TENM3: variants seen among roughly 807,000 people sequenced by gnomAD.
The protein encoded by TENM3 is teneurin-3.
In TENM3, 63 loss-of-function variants were observed where a neutral mutation model predicts 255.1. That is an observed-to-expected ratio of 0.25 (90% CI 0.20 to 0.30). The LOEUF is 0.30. TENM3 is among the 10% of genes least tolerant of loss of function. The probability of loss-of-function intolerance (pLI) is 1.00; values close to 1 mark genes in which losing one functional copy is unlikely to be tolerated. For synonymous variants in TENM3, 1,306 were observed against 1,322.3 expected (o/e 0.99, Z 0.27); for missense variants, 2,929 against 3,461.1 (o/e 0.85, Z 3.86).
the TENM3 span, among the ~76,000 whole-genome samples, chr4:182,118,913 T>C: frequency 6.6e-6 from 1 of 152,190 alleles, no homozygotes; most frequent in Non-Finnish European, 1.5e-5. Flanking sequence ...CTGTAGGTTG[T>C]TGAAAGGCAG....
At chr4:182,066,599 A>AAAATATATATATATATAT in the TENM3 span, among the ~76,000 whole-genome samples, 1 of 137,106 alleles carries the variant, frequency 7.3e-6, no homozygotes, top group African/African-American at 2.9e-5. Flanking sequence ...GTAAAAAAAA[A>AAAATATATATATATATAT]ATATATATAT....
At chr4:181,486,292 G>A in the TENM3 span, among the ~76,000 whole-genome samples, 1 of 152,160 alleles carries the variant, frequency 6.6e-6, no homozygotes, top group Non-Finnish European at 1.5e-5. Flanking sequence ...TCTCAGAGTG[G>A]CCTCCGCTGC....
chr4:182,706,780 G>A (rs1263153836), intron 12 of TENM3, among the ~76,000 whole-genome samples: 1 of 151,970 alleles, frequency 6.6e-6, no homozygotes, highest in Non-Finnish European at 1.5e-5. Flanking sequence ...TGAGCAACAG[G>A]GTGAAACTCC....
chr4:182,480,612 G>T (rs115721625), intron 3 of TENM3, among the ~76,000 whole-genome samples: 2,550 of 152,066 alleles, frequency 0.017, 95 homozygotes, highest in African/African-American at 0.058. Context: ...AAGATGAAAA[G>T]TTAAAATTTG....
At chr4:181,460,736 A>T in the TENM3 span, among the ~76,000 whole-genome samples, 1 of 149,002 alleles carries the variant, frequency 6.7e-6, no homozygotes, top group East Asian at 2.0e-4. Flanking sequence ...AAATTACCAC[A>T]TACTCAGTAA....
upstream of TENM3, chr4:182,144,373 C>G (rs1447556298): frequency 1.3e-5 from 2 of 152,800 alleles, no homozygotes; most frequent in African/African-American, 2.4e-5. Context: ...CCTCGCCTCC[C>G]CGGTCCTCCC....
At chr4:181,506,055 T>C in the TENM3 span, among the ~76,000 whole-genome samples, 2 of 152,192 alleles carry the variant, frequency 1.3e-5, no homozygotes, top group East Asian at 3.9e-4. Flanking sequence ...GTTGATCATA[T>C]GAAGACAAGA....
chr4:181,514,135 A>C, the TENM3 span, among the ~76,000 whole-genome samples: 1 of 152,246 alleles, frequency 6.6e-6, no homozygotes, highest in South Asian at 2.1e-4. Flanking sequence ...AACACTTTTA[A>C]TCCTTCAAAA....
At chr4:182,044,686 T>A in the TENM3 span, among the ~76,000 whole-genome samples, 1 of 151,688 alleles carries the variant, frequency 6.6e-6, no homozygotes, top group Non-Finnish European at 1.5e-5. Context: ...GCCAAGGCTA[T>A]CATTTTTTTG....
At chr4:181,929,096 G>A in the TENM3 span, among the ~76,000 whole-genome samples, 9 of 152,030 alleles carry the variant, frequency 5.9e-5, no homozygotes, top group South Asian at 2.1e-4. Flanking sequence ...AAAGACCGTC[G>A]ACACTATGAA....
chr4:182,029,140 T>C, the TENM3 span, among the ~76,000 whole-genome samples: 3 of 152,114 alleles, frequency 2.0e-5, no homozygotes, highest in African/African-American at 7.2e-5. Flanking sequence ...CTTACAATCA[T>C]GGCAGCTGGT....
intron 3 of TENM3, among the ~76,000 whole-genome samples, chr4:182,418,364 C>T (rs1770541996): frequency 2.0e-5 from 3 of 151,994 alleles, no homozygotes; most frequent in South Asian, 2.1e-4. Context: ...TATTTAACCA[C>T]GGAATTCGTA....
intron 3 of TENM3, among the ~76,000 whole-genome samples, chr4:182,576,256 C>T (rs1744904229): frequency 6.6e-6 from 1 of 152,104 alleles, no homozygotes; most frequent in Non-Finnish European, 1.5e-5. Context: ...TGTGGAAAAA[C>T]ATCTTATATG....
the TENM3 span, among the ~76,000 whole-genome samples, chr4:181,562,867 G>A: frequency 6.6e-6 from 1 of 152,040 alleles, no homozygotes; most frequent in African/African-American, 2.4e-5. Context: ...TATAGGCGGG[G>A]TTTCACCATG....
At chr4:182,304,315 C>A (rs1426135284) in intron 1 of TENM3, among the ~76,000 whole-genome samples, 1 of 151,880 alleles carries the variant, frequency 6.6e-6, no homozygotes, top group Non-Finnish European at 1.5e-5. Context: ...CGGGTTCAAG[C>A]GATTCTCCTC....
At chr4:182,572,907 A>G (rs1214087835) in intron 3 of TENM3, among the ~76,000 whole-genome samples, 1 of 152,116 alleles carries the variant, frequency 6.6e-6, no homozygotes, top group African/African-American at 2.4e-5. Context: ...TGGCAGTGGC[A>G]GTTGGGGAGT....
At chr4:182,088,789 G>T in the TENM3 span, among the ~76,000 whole-genome samples, 1 of 151,436 alleles carries the variant, frequency 6.6e-6, no homozygotes, top group Non-Finnish European at 1.5e-5. Context: ...AGCTGAGGTC[G>T]GGCCACTGCA....
intron 22 of TENM3, among the ~76,000 whole-genome samples, chr4:182,763,348 G>A (rs981209801): frequency 1.3e-5 from 2 of 152,112 alleles, no homozygotes; most frequent in African/African-American, 4.8e-5. Context: ...GGCGGATCAC[G>A]ACGTCAGGAG....
intron 3 of TENM3, among the ~76,000 whole-genome samples, chr4:182,455,537 G>A (rs76014839): frequency 0.016 from 2,439 of 147,868 alleles, 95 homozygotes; most frequent in African/African-American, 0.058. Flanking sequence ...TCCAAGAGCT[G>A]ACTTGCATGG....
Sources: allele counts gnomAD v4.1 joint callset (sites outside exome capture counted in the v4.1 genomes callset), GRCh38; gene constraint gnomAD v4.1.1; transcripts MANE v1.5; gene names NCBI Gene and HGNC (gene_info 2026-07-23, HGNC 2026-07-21).